Variants in ERCC6L2 observed in about 807,000 individuals in gnomAD.
The protein encoded by ERCC6L2 is ERCC excision repair 6 like 2.
A neutral mutation model predicts 132.0 loss-of-function variants in ERCC6L2; 77 were observed. The observed-to-expected ratio is 0.58, with a 90% confidence interval of 0.49 to 0.71. ERCC6L2 has a LOEUF of 0.71. ERCC6L2 is among the 30% of genes least tolerant of loss of function. The pLI, the probability that ERCC6L2 is intolerant of heterozygous loss-of-function variation, is 0.00. For missense variants in ERCC6L2, 1,542 were observed against 1,837.6 expected, an observed-to-expected ratio of 0.84 and a Z score of 2.94; for synonymous variants, 583 against 632.4, an observed-to-expected ratio of 0.92 and a Z score of 1.17.
chr9:95,876,065 C>G lies in ERCC6L2; in HGVS notation c.27C>G (p.Arg9=). 6.3e-7 allele frequency: 1 copy of G among 1,583,728 alleles called. No homozygotes were observed. MDPSAPQP[R]AETSGKDIWH... ...TGGATCCGTCGGCGCCACAGCCCCG[C>G]GCGGAAACCTCAGGCAAAGGTACCA... The change falls in exon 1 of 19, where the codon CGC becomes CGG. Residue 9 remains arginine, a synonymous_variant. Coordinates refer to ENST00000653738, the MANE Select transcript of ERCC6L2 (RefSeq NM_020207.7).
intron 17 of ERCC6L2, among the ~76,000 whole-genome samples, chr9:96,001,609 A>G (rs892921964): frequency 1.3e-5 from 2 of 152,234 alleles, no homozygotes; most frequent in African/African-American, 4.8e-5. Context: ...AGCTAGATAT[A>G]AAGACTCTCC....
chr9:95,921,738 T>G (rs1190254140), intron 7 of ERCC6L2, among the ~76,000 whole-genome samples: 2 of 152,212 alleles, frequency 1.3e-5, no homozygotes, highest in Non-Finnish European at 2.9e-5. Flanking sequence ...AGTGTTTTTT[T>G]TAAAGAAACA....
chr9:96,033,970 C>G (rs1834491354), intron 19 of ERCC6L2, among the ~76,000 whole-genome samples: 1 of 152,208 alleles, frequency 6.6e-6, no homozygotes, highest in Non-Finnish European at 1.5e-5. Flanking sequence ...TTGTCTGCAC[C>G]AGGATTTATG....
intron 19 of ERCC6L2, among the ~76,000 whole-genome samples, chr9:96,024,502 C>T (rs943623434): frequency 1.3e-5 from 2 of 152,212 alleles, no homozygotes; most frequent in African/African-American, 2.4e-5. Flanking sequence ...TTGCTGTCCT[C>T]GGACCTCTCC....
chr9:96,038,088 G>T (rs1162474793), intron 19 of ERCC6L2, among the ~76,000 whole-genome samples: 3 of 152,126 alleles, frequency 2.0e-5, no homozygotes, highest in Non-Finnish European at 4.4e-5. Context: ...TTCTGCTGCA[G>T]AGTCAGGAGA....
rs151096250 is a variant in ERCC6L2, at chr9:95,950,263, A to T, written c.1848-5651A>T. Among the ~76,000 whole-genome samples the T allele has an allele frequency of 5.6e-4, 85 of 152,286 alleles. 2 individuals carry two copies. In the East Asian group the frequency reaches 0.016, roughly 28 times the overall value. On this transcript the variant is annotated intron_variant, in intron 12 of 18. Coordinates refer to ENST00000653738, the MANE Select transcript of ERCC6L2 (RefSeq NM_020207.7). ...AGTACATTGATATCAATGTAAAATC[A>T]ATTGATTTAAGGTTGTTATAACTTT...
chr9:95,990,756 C>T (rs3930253), intron 17 of ERCC6L2, among the ~76,000 whole-genome samples: 97,272 of 152,070 alleles, frequency 0.64, 31,729 homozygotes, highest in African/African-American at 0.76. Context: ...CAATGCACTT[C>T]AAGCTCTCCC....
rs1588013827 is a variant in ERCC6L2, at chr9:95,978,227, A to G, written c.3492+12A>G. The G allele has an allele frequency of 1.5e-6, 2 of 1,349,172 alleles. No individual in the cohort carries two copies. The highest frequency in any genetic ancestry group is 2.0e-6 in the Non-Finnish European group (2 of 1,013,110). 83.6% of individuals were successfully genotyped at this position (1,349,172 alleles called of 1,614,324 possible). A position where few individuals can be genotyped will look rare whatever the true frequency, so the allele number is the denominator to read the frequency against. ...TTTGCAGTTCTAAGGTAAGAAAAATATAGGGTAGTATCATCTTTAGTTACC... is the reference window on the plus strand; with the variant it reads ...TTTGCAGTTCTAAGGTAAGAAAAATGTAGGGTAGTATCATCTTTAGTTACC... On this transcript the variant is annotated intron_variant, in intron 17 of 18. Transcript: ENST00000653738.
chr9:95,938,032 C>A (rs899775779), intron 11 of ERCC6L2, among the ~76,000 whole-genome samples: 4 of 151,052 alleles, frequency 2.6e-5, no homozygotes, highest in African/African-American at 9.7e-5. Flanking sequence ...ATTTATTTCT[C>A]CTTGTATTTT....
Position 95,875,751 on chromosome 9 carries a change from G to T in ERCC6L2, c.-288G>T. 2.1e-6 allele frequency: 1 copy of T among 470,108 alleles called. No individual in the cohort carries two copies. Among genetic ancestry groups the T allele is most frequent in the Admixed American group, 3.7e-5 (1 of 27,284 alleles). 29.1% of individuals were successfully genotyped at this position (470,108 alleles called of 1,614,324 possible). A position where few individuals can be genotyped will look rare whatever the true frequency, so the allele number is the denominator to read the frequency against. Reference sequence around the variant, plus strand: ...CTCCTGTCCTCCTCCGGCGGCGGCGGAGCCCGAGAGAACTAGGTGAACACC... The same window carrying T: ...CTCCTGTCCTCCTCCGGCGGCGGCGTAGCCCGAGAGAACTAGGTGAACACC... On this transcript the variant is annotated 5_prime_UTR_variant, in exon 1 of 19. Coordinates refer to ENST00000653738, the MANE Select transcript of ERCC6L2 (RefSeq NM_020207.7).
At chr9:95,909,348 A>G (rs1369024694) in intron 4 of ERCC6L2, among the ~76,000 whole-genome samples, 1 of 152,206 alleles carries the variant, frequency 6.6e-6, no homozygotes, top group African/African-American at 2.4e-5. Context: ...GGCCATGGGC[A>G]GTAGTATACT....
At chr9:95,928,546 T>C (rs1396610699) in intron 10 of ERCC6L2, among the ~76,000 whole-genome samples, 173 bp from the exon 11 acceptor site, 7 of 152,188 alleles carry the variant, frequency 4.6e-5, no homozygotes, top group African/African-American at 1.7e-4. Flanking sequence ...TGTTGCAGGA[T>C]AACGGGAATA....
chr9:95,918,267 A>G (rs757968790), intron 6 of ERCC6L2: 1 of 434,438 alleles, frequency 2.3e-6, no homozygotes, highest in South Asian at 1.9e-5. Context: ...AAGACCCACT[A>G]CAGTGTAGCT....
chr9:95,911,043 C>T (rs1041305543), intron 4 of ERCC6L2, among the ~76,000 whole-genome samples: 41 of 152,192 alleles, frequency 2.7e-4, no homozygotes, highest in African/African-American at 9.6e-4. Context: ...TACAGGCATG[C>T]GCCACCATGC....
At chr9:95,933,696 T>A (rs1830438384) in intron 11 of ERCC6L2, among the ~76,000 whole-genome samples, 1 of 151,780 alleles carries the variant, frequency 6.6e-6, no homozygotes, top group African/African-American at 2.4e-5. Context: ...AATACAGAAT[T>A]AGCCAGGTGC....
At chr9:95,881,400 C>G (rs914513823) in intron 2 of ERCC6L2, 107 bp downstream of exon 2, 1 of 849,748 alleles carries the variant, frequency 1.2e-6, no homozygotes, top group Non-Finnish European at 1.7e-6. Context: ...TTTGTGTGTT[C>G]CTGTGTATGT....
At chr9:95,892,307 GGTTGTTGCCTATTTTAGGAAATAGCAAA>G (rs1828213505) in intron 2 of ERCC6L2, among the ~76,000 whole-genome samples, 1 of 150,622 alleles carries the variant, frequency 6.6e-6, no homozygotes. Context: ...AGGATTTTTG[GGTTGTTGCCTATTTTAGGAAATAGCAAA>G]TAGTGAATAT....
In ERCC6L2 at chr9:96,000,073, G is replaced by A. The variant is rs144860928; in HGVS notation, c.3493-4447G>A. Among the ~76,000 whole-genome samples, 994 of 152,038 alleles carry A rather than the reference G, an allele frequency of 6.5e-3. 15 individuals carry two copies. Among genetic ancestry groups the A allele is most frequent in the African/African-American group, 0.023 (959 of 41,468 alleles). ...CCAGCCAATTTTTTTATTTTTAGTA[G>A]AGATGAGGTTTCACCATGTTGGCCA... On this transcript the variant is annotated intron_variant, in intron 17 of 18. Coordinates refer to ENST00000653738, the MANE Select transcript of ERCC6L2 (RefSeq NM_020207.7).
intron 2 of ERCC6L2, among the ~76,000 whole-genome samples, chr9:95,882,765 A>G (rs1180954565): frequency 9.2e-5 from 14 of 152,228 alleles, no homozygotes; most frequent in African/African-American, 2.7e-4. Flanking sequence ...ACCATTAACC[A>G]TACTCTATGT....
Sources: allele counts gnomAD v4.1 joint callset (sites outside exome capture counted in the v4.1 genomes callset), GRCh38; gene constraint gnomAD v4.1.1; transcripts MANE v1.5; gene names NCBI Gene and HGNC (gene_info 2026-07-23, HGNC 2026-07-21).